Variants in ANKRD6 observed in about 807,000 individuals in gnomAD.
ANKRD6 encodes the protein ankyrin repeat domain-containing protein 6.
Under a neutral mutation model 82.3 loss-of-function variants are expected in ANKRD6, and 56 were observed. The observed-to-expected ratio is 0.68, with a 90% confidence interval of 0.55 to 0.85. ANKRD6 has a LOEUF of 0.85. ANKRD6 is among the 40% of genes least tolerant of loss of function. The pLI is 0.00. For synonymous variants in ANKRD6, 347 were observed against 352.1 expected, an observed-to-expected ratio of 0.99 and a Z score of 0.16; for missense variants, 852 against 907.6, an observed-to-expected ratio of 0.94 and a Z score of 0.79.
chr6:89,459,309 C>T (rs1773853712), intron 1 of ANKRD6, among the ~76,000 whole-genome samples: 1 of 152,170 alleles, frequency 6.6e-6, no homozygotes, highest in South Asian at 2.1e-4. Context: ...AACTCCCGAC[C>T]TCAGGTGATC....
intron 1 of ANKRD6, among the ~76,000 whole-genome samples, chr6:89,549,858 T>C (rs1280497521): frequency 2.0e-5 from 3 of 151,744 alleles, no homozygotes; most frequent in South Asian, 4.2e-4. Flanking sequence ...GGGAGGATTA[T>C]TGAGGCCAGG....
At position 89,624,113 on chromosome 6, in the gene ANKRD6, G is replaced by GT. The variant is rs1804698744; in HGVS notation, c.1218+59dup. 12 of 1,509,532 alleles carry GT rather than the reference G, an allele frequency of 7.9e-6. 1 individual carries two copies. In the South Asian group the frequency reaches 1.4e-4, roughly 18 times the overall value. 93.5% of individuals were successfully genotyped at this position (1,509,532 alleles called of 1,614,324 possible). On this transcript the variant is annotated intron_variant, in intron 12 of 15. Transcript: ENST00000339746. ...ACATAGGCCTTCAGCAAGGGTTTTT[G>GT]TTTAACGGCATTCCTGGGGGCTGAT... is the stretch of plus-strand genomic sequence containing the variant.
At chr6:89,622,775 A>G (rs1281742199) in intron 10 of ANKRD6, among the ~76,000 whole-genome samples, 1 of 152,110 alleles carries the variant, frequency 6.6e-6, no homozygotes, top group East Asian at 1.9e-4. Context: ...GAAGTCTGGG[A>G]TATAGAGACA....
At chr6:89,569,760 C>G (rs1789367136) in intron 2 of ANKRD6, among the ~76,000 whole-genome samples, 1 of 152,110 alleles carries the variant, frequency 6.6e-6, no homozygotes. Context: ...GCTTGCCTGT[C>G]TTTTTTTATA....
intron 1 of ANKRD6, among the ~76,000 whole-genome samples, chr6:89,524,712 TATA>T (rs1365359015): frequency 1.3e-5 from 2 of 152,184 alleles, no homozygotes; most frequent in African/African-American, 2.4e-5. Flanking sequence ...GTCTTTTTCA[TATA>T]ATGACTTCTT....
intron 1 of ANKRD6, among the ~76,000 whole-genome samples, chr6:89,447,473 A>G (rs532004752): frequency 6.6e-6 from 1 of 152,334 alleles, no homozygotes; most frequent in African/African-American, 2.4e-5. Flanking sequence ...AAAAGTCTGA[A>G]GCTAGCAGAG....
In ANKRD6 at chr6:89,548,188, GTCA is replaced by G. The variant is rs201469925; in HGVS notation, c.-143-18644_-143-18642del. On this transcript the variant is annotated intron_variant, in intron 1 of 15. Transcript: ENST00000339746. ...AAAAGACATCCCATACCCATTAATA[GTCA>G]TTCCCTATTCTTTCTCCTGGCAACC... Among the ~76,000 whole-genome samples the G allele has an allele frequency of 8.8e-3, 1,336 of 152,262 alleles. 12 individuals carry two copies. Among genetic ancestry groups the G allele is most frequent in the Middle Eastern group, 0.014 (4 of 294 alleles).
chr6:89,527,481 C>T (rs1278521524), intron 1 of ANKRD6, among the ~76,000 whole-genome samples: 1 of 151,104 alleles, frequency 6.6e-6, no homozygotes, highest in Non-Finnish European at 1.5e-5. Context: ...GTAATCCCAG[C>T]TACTTGGGAG....
chr6:89,509,591 A>T (rs545822636), intron 1 of ANKRD6, among the ~76,000 whole-genome samples: 5 of 152,322 alleles, frequency 3.3e-5, no homozygotes, highest in African/African-American at 1.2e-4. Flanking sequence ...CACAGTGCCA[A>T]TTCATTATAT....
At chr6:89,554,163 C>G (rs1562798061) in intron 1 of ANKRD6, among the ~76,000 whole-genome samples, 1 of 152,308 alleles carries the variant, frequency 6.6e-6, no homozygotes, top group East Asian at 1.9e-4. Context: ...AACGACATGG[C>G]TGGAAACAAC....
In ANKRD6 at chr6:89,632,444, G is replaced by C. The variant is rs1807593764; in HGVS notation, c.*1440G>C. 1 of 152,000 alleles carries C rather than the reference G, an allele frequency of 6.6e-6. No individual in the cohort carries two copies. The highest frequency in any genetic ancestry group is 2.4e-5 in the African/African-American group (1 of 41,348). The allele number at this position is 152,000 out of a possible 1,614,324, so 9.4% of individuals were successfully genotyped here. ...GATGTTTTTTATTTTGTTGAGACAG[G>C]GTCTTGCTCTGTCACCCAGACTGGA... On this transcript the variant is annotated 3_prime_UTR_variant, in exon 16 of 16. Transcript: ENST00000339746.
At chr6:89,617,254 G>C (rs1362027037) in intron 8 of ANKRD6, among the ~76,000 whole-genome samples, 1 of 152,174 alleles carries the variant, frequency 6.6e-6, no homozygotes, top group East Asian at 1.9e-4. Context: ...TGTGTGGTCT[G>C]GGACTGCTGA....
chr6:89,495,814 A>T (rs750792779), intron 1 of ANKRD6, among the ~76,000 whole-genome samples: 3 of 152,112 alleles, frequency 2.0e-5, no homozygotes, highest in Non-Finnish European at 2.9e-5. Flanking sequence ...GCTGTCTAGG[A>T]CACTTTTTGT....
intron 1 of ANKRD6, among the ~76,000 whole-genome samples, chr6:89,476,378 A>C (rs183454648): frequency 6.6e-6 from 1 of 152,130 alleles, no homozygotes; most frequent in East Asian, 1.9e-4. Context: ...TAGTAGAGAC[A>C]GGATTTCGCC....
At chr6:89,532,268 C>T (rs756692275) in intron 1 of ANKRD6, among the ~76,000 whole-genome samples, 4 of 152,190 alleles carry the variant, frequency 2.6e-5, no homozygotes, top group Non-Finnish European at 2.9e-5. Context: ...ACATTATTAA[C>T]CATCACCTCC....
chr6:89,460,954 G>T (rs1472674723), intron 1 of ANKRD6, among the ~76,000 whole-genome samples: 2 of 140,926 alleles, frequency 1.4e-5, no homozygotes, highest in Non-Finnish European at 3.0e-5. Context: ...AGGCTGGAGT[G>T]CAGTAAGCTG....
intron 1 of ANKRD6, among the ~76,000 whole-genome samples, chr6:89,488,305 C>T (rs539323776): frequency 1.3e-5 from 2 of 152,350 alleles, no homozygotes; most frequent in South Asian, 2.1e-4. Context: ...CATAATGAAG[C>T]TGGGTGTAGT....
At chr6:89,608,603 G>C (rs923630289) in intron 5 of ANKRD6, among the ~76,000 whole-genome samples, 2 of 151,892 alleles carry the variant, frequency 1.3e-5, no homozygotes, top group African/African-American at 4.8e-5. Flanking sequence ...GGGAGCAAGA[G>C]AACCCACCTC....
rs190766630 is a variant in ANKRD6 at position 89,544,463 on chromosome 6, C to T, written c.-143-22371C>T. 1.2e-4 allele frequency among the ~76,000 whole-genome samples: 18 copies of T among 152,322 alleles called. No homozygotes were observed. The East Asian group carries it at 2.7e-3, about 23-fold the overall frequency. On this transcript the variant is annotated intron_variant, in intron 1 of 15. Transcript: ENST00000339746. ...GGGCACAGTGGCTCACGCCTGTAAT[C>T]CCAGCACTTTGGAGGCCAAGGCGGG...
Sources: allele counts gnomAD v4.1 joint callset (sites outside exome capture counted in the v4.1 genomes callset), GRCh38; gene constraint gnomAD v4.1.1; transcripts MANE v1.5; gene names NCBI Gene and HGNC (gene_info 2026-07-23, HGNC 2026-07-21).